OSBPL3: variants seen among roughly 807,000 people sequenced by gnomAD.
The protein encoded by OSBPL3 is oxysterol binding protein like 3, also known as oxysterol-binding protein-related protein 3.
OSBPL3 carries 65 observed loss-of-function variants against 120.1 expected under a neutral mutation model. That is an observed-to-expected ratio of 0.54 (90% CI 0.44 to 0.67). The LOEUF is 0.67. Ranked by LOEUF, OSBPL3 falls within the 30% of genes least tolerant of loss-of-function variation. The pLI, the probability that OSBPL3 is intolerant of heterozygous loss-of-function variation, is 0.00. For synonymous variants in OSBPL3, 416 were observed against 402.6 expected (o/e 1.03, Z -0.40); for missense variants, 1,004 against 1,082.1 (o/e 0.93, Z 1.01).
rs1035857327 is a variant in OSBPL3 at position 24,933,276 on chromosome 7, G to T, written c.-149-40655C>A. ...CTCCCAAAAAGGCAGTCAAATAAGAGGCATTTCAGCTTGACAATTTAGTAA... is the reference window on the plus strand; with the variant it reads ...CTCCCAAAAAGGCAGTCAAATAAGATGCATTTCAGCTTGACAATTTAGTAA... On this transcript the variant is annotated intron_variant, in intron 1 of 22. Transcript: ENST00000313367. The surrounding 1 kb of genome is among the most constrained non-coding windows in gnomAD (Gnocchi z 5.1). Among the ~76,000 whole-genome samples the T allele has an allele frequency of 1.3e-5, 2 of 152,052 alleles. No individual in the cohort carries two copies. Among genetic ancestry groups the T allele is most frequent in the African/African-American group, 4.8e-5 (2 of 41,384 alleles).
Position 24,818,700 on chromosome 7 carries a change from G to A in OSBPL3, c.1948+1475C>T, listed in dbSNP as rs1376407706. Among the ~76,000 whole-genome samples, 1 of 152,192 alleles carries A rather than the reference G, an allele frequency of 6.6e-6. No homozygotes were observed. Among genetic ancestry groups the A allele is most frequent in the Non-Finnish European group, 1.5e-5 (1 of 68,030 alleles). ...GTGACAAACAGAAAAGAAACATCAT[G>A]AGGGCAGATTTAAGCCCAGCTACAT... On this transcript the variant is annotated intron_variant, in intron 17 of 22. Coordinates refer to ENST00000313367, the MANE Select transcript of OSBPL3 (RefSeq NM_015550.4). This position sits in a 1 kb window ranked among gnomAD's most constrained non-coding sequence, Gnocchi z 4.0.
chr7:24,814,150 G>T (rs1344046324), intron 19 of OSBPL3, among the ~76,000 whole-genome samples: 2 of 152,132 alleles, frequency 1.3e-5, no homozygotes, highest in African/African-American at 4.8e-5. Flanking sequence ...GATGGGGCTG[G>T]TGATGGAAGG....
rs1170510183 is a variant in OSBPL3 at position 24,937,455 on chromosome 7, A to C, written c.-150+42431T>G. Among the ~76,000 whole-genome samples the C allele has an allele frequency of 6.6e-6, 1 of 152,198 alleles. No homozygotes were observed. The highest frequency in any genetic ancestry group is 1.5e-5 in the Non-Finnish European group (1 of 68,032). ...ATGTTCAACATTATTCTTGAGGTTT[A>C]CCCATAAGGATACATATAGTTTTAG... On this transcript the variant is annotated intron_variant, in intron 1 of 22. Coordinates refer to ENST00000313367, the MANE Select transcript of OSBPL3 (RefSeq NM_015550.4). This position sits in a 1 kb window ranked among gnomAD's most constrained non-coding sequence, Gnocchi z 4.0.
At chr7:24,837,530 C>T (rs1414766326) in intron 14 of OSBPL3, among the ~76,000 whole-genome samples, 1 of 152,154 alleles carries the variant, frequency 6.6e-6, no homozygotes, top group Non-Finnish European at 1.5e-5. Flanking sequence ...AACAATTTTT[C>T]ATGTAGTCTC....
At chr7:24,840,236 C>A (rs1202946881) in intron 14 of OSBPL3, among the ~76,000 whole-genome samples, 1 of 152,024 alleles carries the variant, frequency 6.6e-6, no homozygotes, top group Non-Finnish European at 1.5e-5. Flanking sequence ...ACACAGCTCA[C>A]CCTTGAACAA....
rs1236322991 is a variant in OSBPL3 at position 24,817,507 on chromosome 7, A to C, written c.1949-819T>G. Among the ~76,000 whole-genome samples the C allele has an allele frequency of 6.6e-6, 1 of 152,112 alleles. No homozygotes were observed. The highest frequency in any genetic ancestry group is 1.5e-5 in the Non-Finnish European group (1 of 68,020). On this transcript the variant is annotated intron_variant, in intron 17 of 22. Coordinates refer to ENST00000313367, the MANE Select transcript of OSBPL3 (RefSeq NM_015550.4). This position sits in a 1 kb window ranked among gnomAD's most constrained non-coding sequence, Gnocchi z 4.0. ...GGTGATGGAGTGAGATTCTGCCAAA[A>C]AAAACAAAACAAAACTGAAAACGAA...
Position 24,979,999 on chromosome 7 carries a change from A to G in OSBPL3, c.-263T>C. ...CTTCTCCGGTACCCCCGCAACGTGCAGCTGACAGCTCCCGCACCGGCCGCA... is the reference window on the plus strand; with the variant it reads ...CTTCTCCGGTACCCCCGCAACGTGCGGCTGACAGCTCCCGCACCGGCCGCA... On this transcript the variant is annotated 5_prime_UTR_variant, in exon 1 of 23. Coordinates refer to ENST00000313367, the MANE Select transcript of OSBPL3 (RefSeq NM_015550.4). 5.1e-6 allele frequency: 5 copies of G among 985,324 alleles called. No homozygotes were observed. The highest frequency in any genetic ancestry group is 4.8e-6 in the Non-Finnish European group (4 of 829,970). 61.0% of individuals were successfully genotyped at this position (985,324 alleles called of 1,614,324 possible).
intron 1 of OSBPL3, among the ~76,000 whole-genome samples, chr7:24,975,651 T>C (rs1049555576): frequency 6.6e-6 from 1 of 152,100 alleles, no homozygotes; most frequent in Non-Finnish European, 1.5e-5. Context: ...AGGGAGGCAA[T>C]AAGTTTGAAT....
chr7:24,895,924 C>CATCAG (rs1806068166), intron 1 of OSBPL3, among the ~76,000 whole-genome samples: 1 of 152,212 alleles, frequency 6.6e-6, no homozygotes, highest in Non-Finnish European at 1.5e-5. Flanking sequence ...TGCAAATACT[C>CATCAG]ATATAATCAT....
At position 24,898,294 on chromosome 7, in the gene OSBPL3, C is replaced by T. The variant is rs568949513; in HGVS notation, c.-149-5673G>A. On this transcript the variant is annotated intron_variant, in intron 1 of 22. Transcript: ENST00000313367. The surrounding 1 kb of genome is among the most constrained non-coding windows in gnomAD (Gnocchi z 4.3). Reference sequence around the variant, plus strand: ...ACCTCTGAAGTGCTGTCCATGTGTCCGAACTATCTGAACTGCTGGTCTGAT... The same window carrying T: ...ACCTCTGAAGTGCTGTCCATGTGTCTGAACTATCTGAACTGCTGGTCTGAT... Among the ~76,000 whole-genome samples, 24 of 152,242 alleles carry T rather than the reference C, an allele frequency of 1.6e-4. No individual in the cohort carries two copies. Among genetic ancestry groups the T allele is most frequent in the Middle Eastern group, 3.4e-3 (1 of 294 alleles).
At chr7:24,980,911 C>T (rs914954473), upstream of OSBPL3, among the ~76,000 whole-genome samples, 3 of 152,056 alleles carry the variant, frequency 2.0e-5, no homozygotes, top group Non-Finnish European at 4.4e-5. Context: ...TCCCACTAGC[C>T]CAATGGCCTT....
In OSBPL3 at chr7:24,899,067, G is replaced by A. The variant is rs1456932659; in HGVS notation, c.-149-6446C>T. 1.3e-5 allele frequency among the ~76,000 whole-genome samples: 2 copies of A among 151,996 alleles called. No homozygotes were observed. Among genetic ancestry groups the A allele is most frequent in the Middle Eastern group, 3.2e-3 (1 of 314 alleles). On this transcript the variant is annotated intron_variant, in intron 1 of 22. Coordinates refer to ENST00000313367, the MANE Select transcript of OSBPL3 (RefSeq NM_015550.4). This position sits in a 1 kb window ranked among gnomAD's most constrained non-coding sequence, Gnocchi z 4.0. ...CACCACCATCCCCACATCCCACCCA[G>A]CAAATCTTTTCTTCTCCAGACTAAA...
chr7:24,953,244 AC>A lies in OSBPL3; in HGVS notation c.-150+26641del, dbSNP rs1330805320. ...CTTCATCACTTTAATTATTCTGGCAACCCATCTATAGTTCAATTCTCAATAT... is the reference window on the plus strand; with the variant it reads ...CTTCATCACTTTAATTATTCTGGCAACCATCTATAGTTCAATTCTCAATAT... On this transcript the variant is annotated intron_variant, in intron 1 of 22. Coordinates refer to ENST00000313367, the MANE Select transcript of OSBPL3 (RefSeq NM_015550.4). The surrounding 1 kb of genome is among the most constrained non-coding windows in gnomAD (Gnocchi z 4.3). 2.0e-4 allele frequency among the ~76,000 whole-genome samples: 31 copies of A among 152,178 alleles called. No individual in the cohort carries two copies.
chr7:24,812,214 C>T (rs555056817), intron 19 of OSBPL3, among the ~76,000 whole-genome samples: 88 of 145,628 alleles, frequency 6.0e-4, no homozygotes, highest in African/African-American at 2.1e-3. Context: ...GGCTGAGGCA[C>T]GAGAATCACT....
intron 12 of OSBPL3, among the ~76,000 whole-genome samples, chr7:24,848,403 T>G (rs902991595): frequency 6.6e-5 from 10 of 152,144 alleles, no homozygotes; most frequent in Non-Finnish European, 1.2e-4. Flanking sequence ...TTAAAAACAG[T>G]TTTTACTTTC....
chr7:24,928,434 G>A lies in OSBPL3; in HGVS notation c.-149-35813C>T, dbSNP rs563074921. On this transcript the variant is annotated intron_variant, in intron 1 of 22. Transcript: ENST00000313367. ...TCTCGATCTCCTGACCTCGTGATCT[G>A]CCCACCTTGGCCTCCCAAAGTGCTA... Among the ~76,000 whole-genome samples, 11 of 152,116 alleles carry A rather than the reference G, an allele frequency of 7.2e-5. No homozygotes were observed. The East Asian group carries it at 1.5e-3, about 21-fold the overall frequency.
At chr7:24,812,422 T>C (rs1442715208) in intron 19 of OSBPL3, among the ~76,000 whole-genome samples, 1 of 152,042 alleles carries the variant, frequency 6.6e-6, no homozygotes, top group African/African-American at 2.4e-5. Flanking sequence ...GAGGCAACCT[T>C]GCACTCTATT....
At position 24,863,417 on chromosome 7, in the gene OSBPL3, C is replaced by A; in HGVS notation, c.777+79G>T. The stretch of plus-strand genomic sequence containing the variant: ...GGCTGAAGCAACTGACCACAGCATC[C>A]CACTGTTAGTGAAAGGCTGGGAGGA... On this transcript the variant is annotated intron_variant, in intron 8 of 22. Transcript: ENST00000313367. The surrounding 1 kb of genome is among the most constrained non-coding windows in gnomAD (Gnocchi z 5.8). 1.5e-6 allele frequency: 2 copies of A among 1,376,862 alleles called. No homozygotes were observed. The highest frequency in any genetic ancestry group is 2.3e-5 in the South Asian group (2 of 85,974). 85.3% of individuals were successfully genotyped at this position (1,376,862 alleles called of 1,614,324 possible).
At chr7:24,826,651 T>A (rs1421333937) in intron 16 of OSBPL3, among the ~76,000 whole-genome samples, 1 of 152,082 alleles carries the variant, frequency 6.6e-6, no homozygotes, top group Non-Finnish European at 1.5e-5. Flanking sequence ...CTGTAACTGA[T>A]CCCTGCCTCA....
Sources: allele counts gnomAD v4.1 joint callset (sites outside exome capture counted in the v4.1 genomes callset), GRCh38; gene constraint gnomAD v4.1.1; non-coding constraint Gnocchi (gnomAD v3.1); transcripts MANE v1.5; gene names NCBI Gene and HGNC (gene_info 2026-07-23, HGNC 2026-07-21).